The following DCP1B variants were observed in gnomAD, a reference collection of about 807,000 sequenced individuals.
DCP1B encodes mRNA-decapping enzyme 1B.
Under a neutral mutation model 60.5 loss-of-function variants are expected in DCP1B, and 47 were observed. That is an observed-to-expected ratio of 0.78 (90% CI 0.61 to 0.99). The LOEUF (loss-of-function observed/expected upper bound fraction) is 0.99. Ranked by LOEUF, DCP1B falls within the 50% of genes least tolerant of loss-of-function variation. DCP1B has a pLI of 0.00. For missense variants in DCP1B, 725 were observed against 756.8 expected, an observed-to-expected ratio of 0.96 and a Z score of 0.49; for synonymous variants, 267 against 280.3, an observed-to-expected ratio of 0.95 and a Z score of 0.47.
In DCP1B at chr12:1,952,486, C is replaced by G. The variant is rs765154719; in HGVS notation, c.1454G>C (p.Gly485Ala). Residue 485 changes from glycine to alanine, a missense_variant, in exon 7 of 9, where the codon GGA becomes GCA. By Grantham distance (60) the Gly-to-Ala change is moderately conservative (BLOSUM62 0). Transcript: ENST00000280665. Reference sequence around the variant, plus strand: ...CCAGGATTCCAAGGGTTTCCCTGTTCCAGAGCTCTGAGCGAGCACAGGAAA... The same window carrying G: ...CCAGGATTCCAAGGGTTTCCCTGTTGCAGAGCTCTGAGCGAGCACAGGAAA... ...AKFPVLAQSS[G>A]TGKPLESWIN... 3.7e-5 allele frequency: 59 copies of G among 1,613,662 alleles called. 2 individuals are homozygous for G. Among genetic ancestry groups the G allele is most frequent in the South Asian group, 2.7e-4 (25 of 91,022 alleles).
At position 1,953,204 on chromosome 12, in the gene DCP1B, G is replaced by A; in HGVS notation, c.736C>T (p.Pro246Ser). ...TGCTGCTGGTGGAGAGTCTGCGGAG[G>A]CTCCACAGTTTCCTGACATGTAGCT... The part of the protein sequence containing the change: ...DKATCQETVE[P>S]PQTLHQQQQQ... The change falls in exon 7 of 9, where the codon CCT (proline) becomes TCT (serine). Residue 246 changes from proline to serine, a missense_variant. Coordinates refer to ENST00000280665, the MANE Select transcript of DCP1B (RefSeq NM_152640.5). 1.2e-6 allele frequency: 2 copies of A among 1,609,262 alleles called. No homozygotes were observed. Among genetic ancestry groups the A allele is most frequent in the Non-Finnish European group, 1.7e-6 (2 of 1,179,988 alleles).
chr12:1,959,358 T>C (rs1432818279), intron 5 of DCP1B, among the ~76,000 whole-genome samples: 1 of 152,126 alleles, frequency 6.6e-6, no homozygotes, highest in Non-Finnish European at 1.5e-5. Flanking sequence ...ATGTCCAAAG[T>C]AGATAAGGAA....
chr12:1,990,126 T>C (rs1051732058), intron 3 of DCP1B, among the ~76,000 whole-genome samples: 3 of 152,322 alleles, frequency 2.0e-5, no homozygotes, highest in Middle Eastern at 3.4e-3. Flanking sequence ...CATCTCAAAA[T>C]AGTCATGGAC....
intron 3 of DCP1B, among the ~76,000 whole-genome samples, chr12:1,986,060 G>A (rs935177369): frequency 2.6e-5 from 4 of 152,156 alleles, no homozygotes; most frequent in East Asian, 1.9e-4. Flanking sequence ...TGATCTGCCC[G>A]CCTTGGCCTC....
At chr12:1,982,157 C>T (rs2036330328) in intron 3 of DCP1B, among the ~76,000 whole-genome samples, 2 of 152,126 alleles carry the variant, frequency 1.3e-5, no homozygotes, top group African/African-American at 2.4e-5. Context: ...ATAAGGCTAA[C>T]GACATATCCT....
rs761516067 is a variant in DCP1B, at chr12:1,993,345, T to C, written c.238A>G (p.Met80Val). The change falls in exon 3 of 9, where the codon ATG becomes GTG. Residue 80 changes from methionine (M) to valine (V), a missense_variant. Physicochemically the swap from Met to Val is conservative, Grantham distance 21. Coordinates refer to ENST00000280665, the MANE Select transcript of DCP1B (RefSeq NM_152640.5). The part of the protein sequence containing the change: ...HGFTIMNRLS[M>V]ENRTEPITKD... ...GTAATAGGTTCTGTCCTATTTTCCA[T>C]GCTCAGCCTATTCATAATGGTGAAT... The C allele has an allele frequency of 6.2e-6, 10 of 1,613,986 alleles. No homozygotes were observed. Among genetic ancestry groups the C allele is most frequent in the Non-Finnish European group, 8.5e-6 (10 of 1,179,960 alleles).
rs569644942 is a variant in DCP1B at position 1,969,135 on chromosome 12, C to T, written c.320-1225G>A. 3.3e-5 allele frequency among the ~76,000 whole-genome samples: 5 copies of T among 152,278 alleles called. No individual in the cohort carries two copies. In the South Asian group the frequency reaches 1.0e-3, roughly 32 times the overall value. ...AGGGAAAAAAGACTTTAAATTCAAA[C>T]TTTCTAAACACGTAATTATATTAAT... On this transcript the variant is annotated intron_variant, in intron 3 of 8. Transcript: ENST00000280665.
chr12:1,958,488 C>T (rs1412189328), intron 5 of DCP1B, among the ~76,000 whole-genome samples: 1 of 144,680 alleles, frequency 6.9e-6, no homozygotes, highest in Non-Finnish European at 1.5e-5. Context: ...TTCTATAAAC[C>T]TCCTGGAAGA....
At chr12:1,955,637 C>T (rs1592782508) in intron 5 of DCP1B, 77 bp from the exon 6 acceptor site, 1 of 1,485,606 alleles carries the variant, frequency 6.7e-7, no homozygotes, top group South Asian at 1.3e-5. Flanking sequence ...CTTTTTACTT[C>T]TTATCTAATT....
chr12:1,993,586 A>G (rs1282607545), intron 2 of DCP1B, among the ~76,000 whole-genome samples, 195 bp from the exon 3 acceptor site: 1 of 151,432 alleles, frequency 6.6e-6, no homozygotes, highest in Admixed American at 6.6e-5. Context: ...CAGCACTGGC[A>G]TGATGATTCA....
At chr12:1,950,122 A>T in intron 7 of DCP1B, 1 of 547,074 alleles carries the variant, frequency 1.8e-6, no homozygotes, top group East Asian at 2.8e-5. Context: ...AACTCCCCGA[A>T]AGAACTCCTA....
intron 2 of DCP1B, among the ~76,000 whole-genome samples, chr12:1,994,871 T>A (rs1409793291): frequency 6.6e-6 from 1 of 152,054 alleles, no homozygotes; most frequent in Admixed American, 6.5e-5. Context: ...GAAGTCAAAA[T>A]AAATCACTGC....
chr12:1,973,740 A>G (rs1780801416), intron 3 of DCP1B, among the ~76,000 whole-genome samples: 1 of 152,240 alleles, frequency 6.6e-6, no homozygotes, highest in South Asian at 2.1e-4. Context: ...TTTAAAAATT[A>G]GGAAGCAGAA....
intron 1 of DCP1B, among the ~76,000 whole-genome samples, chr12:1,998,600 T>G (rs1223589605): frequency 6.6e-6 from 1 of 152,178 alleles, no homozygotes; most frequent in African/African-American, 2.4e-5. Flanking sequence ...AAGTTAGGAC[T>G]CAAGAAATCT....
chr12:2,001,835 T>A (rs1272173621), intron 1 of DCP1B, among the ~76,000 whole-genome samples: 1 of 152,192 alleles, frequency 6.6e-6, no homozygotes, highest in Non-Finnish European at 1.5e-5. Context: ...ACTCTATAGA[T>A]GTCACAACAC....
At position 1,950,273 on chromosome 12, in the gene DCP1B, G is replaced by C. The variant is rs376459108; in HGVS notation, c.1525-939C>G. 5.7e-6 allele frequency: 4 copies of C among 696,560 alleles called. 1 individual carries two copies. The Admixed American group carries it at 8.2e-5, about 14-fold the overall frequency. The allele number at this position is 696,560 out of a possible 1,614,324, so 43.1% of individuals were successfully genotyped here. ...GTCCCTACATGACATTTCGAGGAGCGGTGCTGAGCAGTGATGCTCCCGGAG... is the reference window on the plus strand; with the variant it reads ...GTCCCTACATGACATTTCGAGGAGCCGTGCTGAGCAGTGATGCTCCCGGAG... On this transcript the variant is annotated intron_variant, in intron 7 of 8. Coordinates refer to ENST00000280665, the MANE Select transcript of DCP1B (RefSeq NM_152640.5).
At position 1,964,162 on chromosome 12, in the gene DCP1B, C is replaced by T. The variant is rs369176044; in HGVS notation, c.522+1396G>A. Among the ~76,000 whole-genome samples the T allele has an allele frequency of 1.1e-3, 163 of 152,210 alleles. 1 individual carries two copies. The highest frequency in any genetic ancestry group is 3.7e-3 in the African/African-American group (153 of 41,540). On this transcript the variant is annotated intron_variant, in intron 5 of 8. Transcript: ENST00000280665. ...CACTAAGAGTGTTCAGTTCAAGCAG[C>T]GGGCTTTGAAGTCACTCTAATTTTT... is the stretch of plus-strand genomic sequence containing the variant.
At chr12:1,985,050 AT>A (rs892065568) in intron 3 of DCP1B, among the ~76,000 whole-genome samples, 13 of 151,472 alleles carry the variant, frequency 8.6e-5, no homozygotes, top group East Asian at 5.8e-4. Flanking sequence ...AAAAAAAAAA[AT>A]CTTTGTTTTT....
chr12:1,988,960 T>G (rs1483624885), intron 3 of DCP1B, among the ~76,000 whole-genome samples: 1 of 152,226 alleles, frequency 6.6e-6, no homozygotes, highest in Non-Finnish European at 1.5e-5. Flanking sequence ...ATATCTTAAG[T>G]TTTTCTTTTC....
Sources: allele counts gnomAD v4.1 joint callset (sites outside exome capture counted in the v4.1 genomes callset), GRCh38; gene constraint gnomAD v4.1.1; transcripts MANE v1.5; gene names NCBI Gene and HGNC (gene_info 2026-07-23, HGNC 2026-07-21).